PUS7: variants seen among roughly 807,000 people sequenced by gnomAD.
The protein encoded by PUS7 is pseudouridylate synthase 7 homolog.
PUS7 carries 48 observed loss-of-function variants against 79.8 expected under a neutral mutation model. That is an observed-to-expected ratio of 0.60 (90% CI 0.48 to 0.76). PUS7 has a LOEUF of 0.76. Among genes scored for constraint, PUS7 ranks in the 30% least tolerant of loss-of-function variants. The pLI, the probability that PUS7 is intolerant of heterozygous loss-of-function variation, is 0.00. For synonymous variants in PUS7, 286 were observed against 272.2 expected, an observed-to-expected ratio of 1.05 and a Z score of -0.50; for missense variants, 729 against 797.6, an observed-to-expected ratio of 0.91 and a Z score of 1.04.
Position 105,459,689 on chromosome 7 carries a change from C to T in PUS7, c.1758-430G>A, listed in dbSNP as rs531108604. Among the ~76,000 whole-genome samples, 5 of 152,132 alleles carry T rather than the reference C, an allele frequency of 3.3e-5. No individual in the cohort carries two copies. The East Asian group carries it at 9.7e-4, about 30-fold the overall frequency. ...CTGACCTCAGGTGATCCACCCGCCACAGTCTCCCCAACTGCTGGGATTATA... is the reference window on the plus strand; with the variant it reads ...CTGACCTCAGGTGATCCACCCGCCATAGTCTCCCCAACTGCTGGGATTATA... On this transcript the variant is annotated intron_variant, in intron 14 of 15. Coordinates refer to ENST00000469408, the MANE Select transcript of PUS7 (RefSeq NM_019042.5).
At position 105,459,954 on chromosome 7, in the gene PUS7, T is replaced by C. The variant is rs577192927; in HGVS notation, c.1758-695A>G. 7.9e-5 allele frequency among the ~76,000 whole-genome samples: 12 copies of C among 152,204 alleles called. No homozygotes were observed. The South Asian group carries it at 2.5e-3, about 32-fold the overall frequency. On this transcript the variant is annotated intron_variant, in intron 14 of 15. Coordinates refer to ENST00000469408, the MANE Select transcript of PUS7 (RefSeq NM_019042.5). The stretch of plus-strand genomic sequence containing the variant: ...AATGTACAACTGACAAATCTTTTTT[T>C]CTTAGACGGAGTCTCGCTCTGTCGC...
Position 105,469,507 on chromosome 7 carries a change from T to C in PUS7, c.1399-1044A>G, listed in dbSNP as rs551367053. Among the ~76,000 whole-genome samples the C allele has an allele frequency of 4.1e-4, 62 of 152,348 alleles. No homozygotes were observed. The South Asian group carries it at 0.013, about 32-fold the overall frequency. ...CGGAGTCTCACTTTGTTGCCCAGGCTGGAGTGCAATGGTGCCATCCCGGCT... is the reference window on the plus strand; with the variant it reads ...CGGAGTCTCACTTTGTTGCCCAGGCCGGAGTGCAATGGTGCCATCCCGGCT... On this transcript the variant is annotated intron_variant, in intron 11 of 15. Coordinates refer to ENST00000469408, the MANE Select transcript of PUS7 (RefSeq NM_019042.5).
chr7:105,491,492 G>A, intron 7 of PUS7, 48 bp downstream of exon 7: 1 of 1,233,986 alleles, frequency 8.1e-7, no homozygotes, highest in East Asian at 2.5e-5. Context: ...CTGAAAAGCA[G>A]TGCCAGGATA....
intron 7 of PUS7, 79 bp from the exon 8 acceptor site, chr7:105,482,519 C>T: frequency 6.9e-7 from 1 of 1,439,170 alleles, no homozygotes; most frequent in East Asian, 2.3e-5. Context: ...CTGCTTGGAA[C>T]AGTACAGAAA....
At chr7:105,466,466 T>C (rs1490130732) in intron 12 of PUS7, among the ~76,000 whole-genome samples, 3 of 151,852 alleles carry the variant, frequency 2.0e-5, no homozygotes, top group Non-Finnish European at 4.4e-5. Flanking sequence ...TTGCCCTGGC[T>C]GGTCTTGAAC....
At chr7:105,469,500 C>T (rs2133071668) in intron 11 of PUS7, among the ~76,000 whole-genome samples, 1 of 152,298 alleles carries the variant, frequency 6.6e-6, no homozygotes, top group South Asian at 2.1e-4. Flanking sequence ...CACTTTGTTG[C>T]CCAGGCTGGA....
At chr7:105,511,824 G>A (rs892542603) in intron 1 of PUS7, among the ~76,000 whole-genome samples, 2 of 151,762 alleles carry the variant, frequency 1.3e-5, no homozygotes, top group Non-Finnish European at 2.9e-5. Context: ...AAATAGGAGA[G>A]AAGGGATTGA....
At chr7:105,470,910 A>C in intron 10 of PUS7, 62 bp from the exon 11 acceptor site, 1 of 1,461,550 alleles carries the variant, frequency 6.8e-7, no homozygotes, top group Non-Finnish European at 9.1e-7. Flanking sequence ...CATAACTTAA[A>C]GTACACTTCA....
intron 10 of PUS7, 59 bp from the exon 11 acceptor site, chr7:105,470,907 T>G: frequency 2.0e-6 from 3 of 1,466,072 alleles, no homozygotes; most frequent in South Asian, 1.5e-5. Flanking sequence ...TTCCATAACT[T>G]AAAGTACACT....
At chr7:105,517,166 C>CTTTTTTTTTTTTTTTTT (rs1289590315) in intron 1 of PUS7, among the ~76,000 whole-genome samples, 11,629 of 140,692 alleles carry the variant, frequency 0.083, 609 homozygotes, top group South Asian at 0.16. Context: ...CTTCACATTT[C>CTTTTTTTTTTTTTTTTT]TTTTTTTGGC....
At chr7:105,510,312 T>A (rs887077577) in intron 1 of PUS7, among the ~76,000 whole-genome samples, 27 of 151,180 alleles carry the variant, frequency 1.8e-4, no homozygotes, top group Admixed American at 4.0e-4. Flanking sequence ...AAAAAAAAAA[T>A]AAATAAATAA....
chr7:105,460,128 T>C (rs906558426), intron 14 of PUS7, among the ~76,000 whole-genome samples: 3 of 152,012 alleles, frequency 2.0e-5, no homozygotes, highest in Non-Finnish European at 2.9e-5. Flanking sequence ...TTAGTAGAGA[T>C]GGCGTTTCAC....
chr7:105,519,889 C>T (rs1826037157), intron 1 of PUS7, among the ~76,000 whole-genome samples: 1 of 152,126 alleles, frequency 6.6e-6, no homozygotes, highest in African/African-American at 2.4e-5. Context: ...TCCAGGCAGC[C>T]CGAACAGCAC....
At position 105,456,831 on chromosome 7, in the gene PUS7, C is replaced by A. The variant is rs1002421377; in HGVS notation, c.*959G>T. 2 of 151,904 alleles carry A rather than the reference C, an allele frequency of 1.3e-5. No individual in the cohort carries two copies. The highest frequency in any genetic ancestry group is 2.9e-5 in the Non-Finnish European group (2 of 67,992). 9.4% of individuals were successfully genotyped at this position (151,904 alleles called of 1,614,324 possible). ...AAAGAGTTCTGAACATAAAAGGCAC[C>A]TAGAGTAAAAATTAGACCTTAACTA... On this transcript the variant is annotated 3_prime_UTR_variant, in exon 16 of 16. Transcript: ENST00000469408.
chr7:105,458,469 G>A (rs1409532840), intron 15 of PUS7, among the ~76,000 whole-genome samples: 2 of 150,250 alleles, frequency 1.3e-5, no homozygotes, highest in Non-Finnish European at 3.0e-5. Flanking sequence ...GTTTTGTCAT[G>A]TTGGCCAGGC....
intron 11 of PUS7, chr7:105,470,348 A>G: frequency 5.5e-6 from 1 of 180,596 alleles, no homozygotes; most frequent in Non-Finnish European, 1.2e-5. Context: ...TTACTAAGGC[A>G]GTTTACAGTT....
intron 1 of PUS7, among the ~76,000 whole-genome samples, chr7:105,511,635 C>A (rs1825705914): frequency 6.6e-6 from 1 of 151,506 alleles, no homozygotes; most frequent in Non-Finnish European, 1.5e-5. Flanking sequence ...AGGGCACACA[C>A]CTGTAATCTC....
At chr7:105,505,331 A>G (rs995144967) in intron 4 of PUS7, among the ~76,000 whole-genome samples, 1 of 152,188 alleles carries the variant, frequency 6.6e-6, no homozygotes, top group Non-Finnish European at 1.5e-5. Context: ...AAAATTTACT[A>G]TTCTACTTAG....
rs1380973565 is a variant in PUS7, at chr7:105,495,034, T to C, written c.842+108A>G. The C allele has an allele frequency of 2.9e-5, 17 of 594,050 alleles. No homozygotes were observed. The East Asian group carries it at 4.5e-4, about 16-fold the overall frequency. The allele number at this position is 594,050 out of a possible 1,614,324, so 36.8% of individuals were successfully genotyped here. ...GAAAACTATCATTGGGAGGAGCATT[T>C]ACTATCTGTAATCTGTGCTCCTCCT... On this transcript the variant is annotated intron_variant, in intron 6 of 15. Coordinates refer to ENST00000469408, the MANE Select transcript of PUS7 (RefSeq NM_019042.5).
Sources: allele counts gnomAD v4.1 joint callset (sites outside exome capture counted in the v4.1 genomes callset), GRCh38; gene constraint gnomAD v4.1.1; transcripts MANE v1.5; gene names NCBI Gene and HGNC (gene_info 2026-07-23, HGNC 2026-07-21).